Variants in C2orf76 observed in about 807,000 individuals in gnomAD.
C2orf76 encodes the protein chromosome 2 open reading frame 76.
Under a neutral mutation model 16.9 loss-of-function variants are expected in C2orf76, and 23 were observed. The ratio of observed to expected loss-of-function variants is 1.36; its 90% CI spans 0.98 to 1.93. The LOEUF is 1.93. Among genes scored for constraint, C2orf76 ranks in the 30% most tolerant of loss-of-function variants. C2orf76 has a pLI of 0.00. For synonymous variants in C2orf76, 48 were observed against 52.3 expected (o/e 0.92, Z 0.35); for missense variants, 152 against 152.6 (o/e 1.00, Z 0.02).
At chr2:119,364,834 G>A (rs931181333) in intron 1 of C2orf76, among the ~76,000 whole-genome samples, 13 of 152,046 alleles carry the variant, frequency 8.6e-5, no homozygotes, top group East Asian at 5.8e-4. Context: ...CTCCCACCAC[G>A]TTAGGAGGCC....
At chr2:119,347,167 A>G (rs1371143061) in intron 1 of C2orf76, among the ~76,000 whole-genome samples, 1 of 152,214 alleles carries the variant, frequency 6.6e-6, no homozygotes, top group Non-Finnish European at 1.5e-5. Context: ...TCGAGCCTCC[A>G]GATCTCATTC....
chr2:119,289,205 C>A, the C2orf76 span, among the ~76,000 whole-genome samples: 1 of 152,018 alleles, frequency 6.6e-6, no homozygotes, highest in Admixed American at 6.6e-5. Flanking sequence ...GGCCTTAAGG[C>A]TGCAGAATGT....
chr2:119,293,084 T>C, the C2orf76 span, among the ~76,000 whole-genome samples: 3 of 152,162 alleles, frequency 2.0e-5, no homozygotes, highest in South Asian at 2.1e-4. Context: ...AAATATAATT[T>C]TAAAGTCATT....
Position 119,360,134 on chromosome 2 carries a change from G to A in C2orf76, c.-13+6656C>T, listed in dbSNP as rs36056256. Among the ~76,000 whole-genome samples the A allele has an allele frequency of 3.8e-3, 576 of 152,330 alleles. 2 individuals carry two copies. Among genetic ancestry groups the A allele is most frequent in the Non-Finnish European group, 5.8e-3 (395 of 68,038 alleles). ...ACCAGCAAAAGGATCATGACTCGTT[G>A]AAGTCAGGTGATAGTTAGCATTTTT... On this transcript the variant is annotated intron_variant, in intron 1 of 5. Coordinates refer to ENST00000334816, the MANE Select transcript of C2orf76 (RefSeq NM_001322331.2).
chr2:119,288,460 A>G, the C2orf76 span, among the ~76,000 whole-genome samples: 2 of 152,042 alleles, frequency 1.3e-5, no homozygotes, highest in African/African-American at 4.8e-5. Flanking sequence ...GAGAGCAAGC[A>G]AGCAGATTTC....
At chr2:119,315,193 TAC>T (rs148908865) in intron 4 of C2orf76, among the ~76,000 whole-genome samples, 12 of 149,668 alleles carry the variant, frequency 8.0e-5, no homozygotes, top group Non-Finnish European at 1.3e-4. Context: ...CACACACACA[TAC>T]ACACACACAC....
intron 2 of C2orf76, among the ~76,000 whole-genome samples, chr2:119,330,941 T>C (rs1679657767): frequency 6.6e-6 from 1 of 152,218 alleles, no homozygotes; most frequent in South Asian, 2.1e-4. Context: ...TTCTCGAACA[T>C]TTTGCAATAT....
At chr2:119,307,630 G>A (rs1390393140) in intron 5 of C2orf76, among the ~76,000 whole-genome samples, 3 of 152,004 alleles carry the variant, frequency 2.0e-5, no homozygotes, top group African/African-American at 7.2e-5. Flanking sequence ...ATCACCCCGA[G>A]CCCAGGGTTG....
Position 119,302,384 on chromosome 2 carries a change from T to G in C2orf76, c.*88A>C. Reference sequence around the variant, plus strand: ...AAAGAGTATAGCCTGGGATTAATTTTTTAAGATTTGTTTGTCAATTTCAAA... The same window carrying G: ...AAAGAGTATAGCCTGGGATTAATTTGTTAAGATTTGTTTGTCAATTTCAAA... On this transcript the variant is annotated 3_prime_UTR_variant, in exon 6 of 6. Transcript: ENST00000334816. The G allele has an allele frequency of 1.7e-6, 1 of 585,948 alleles. No individual in the cohort carries two copies. Among genetic ancestry groups the G allele is most frequent in the African/African-American group, 1.9e-5 (1 of 51,374 alleles). 36.3% of individuals were successfully genotyped at this position (585,948 alleles called of 1,614,324 possible). A position where few individuals can be genotyped will look rare whatever the true frequency, so the allele number is the denominator to read the frequency against.
At chr2:119,337,147 A>T (rs1031523680) in intron 2 of C2orf76, among the ~76,000 whole-genome samples, 3 of 151,550 alleles carry the variant, frequency 2.0e-5, no homozygotes, top group African/African-American at 7.3e-5. Context: ...CCTCAACTTC[A>T]TGGGCTCAAG....
intron 2 of C2orf76, among the ~76,000 whole-genome samples, chr2:119,327,036 T>C (rs972447357): frequency 1.6e-4 from 25 of 151,890 alleles, no homozygotes; most frequent in African/African-American, 5.6e-4. Context: ...TCAAACAGGG[T>C]TGCCTGTTAC....
In C2orf76 at chr2:119,356,738, A is replaced by G. The variant is rs149148766; in HGVS notation, c.-13+10052T>C. 1.6e-4 allele frequency among the ~76,000 whole-genome samples: 25 copies of G among 152,126 alleles called. 2 individuals are homozygous for G. The East Asian group carries it at 4.8e-3, about 29-fold the overall frequency. ...TTTTGAAAAGATTTTTTAAACACTGATGAATCTTGAGCAAGACCAGCTAGG... is the reference window on the plus strand; with the variant it reads ...TTTTGAAAAGATTTTTTAAACACTGGTGAATCTTGAGCAAGACCAGCTAGG... On this transcript the variant is annotated intron_variant, in intron 1 of 5. Transcript: ENST00000334816.
At chr2:119,324,298 A>G (rs191023102) in intron 2 of C2orf76, among the ~76,000 whole-genome samples, 15 of 152,300 alleles carry the variant, frequency 9.8e-5, no homozygotes, top group Admixed American at 9.8e-4. Context: ...CTGCCTTTAC[A>G]TCTTAACTGA....
At chr2:119,300,878 G>A (rs186189281), downstream of C2orf76, among the ~76,000 whole-genome samples, 5 of 152,232 alleles carry the variant, frequency 3.3e-5, no homozygotes, top group Admixed American at 1.3e-4. Flanking sequence ...CTATAAGGTC[G>A]AAACATCATT....
Position 119,348,686 on chromosome 2 carries a change from T to A in C2orf76, c.-12-8715A>T, listed in dbSNP as rs549887410. Among the ~76,000 whole-genome samples the A allele has an allele frequency of 2.2e-5, 3 of 136,860 alleles. No homozygotes were observed. In the East Asian group the frequency reaches 6.4e-4, roughly 29 times the overall value. The allele number at this position is 136,860 out of a possible 152,430, so 89.8% of individuals were successfully genotyped here. The stretch of plus-strand genomic sequence containing the variant: ...GGAAGACAAGAGTGGAACTCTGTCT[T>A]AAAAAAAAAAAGAAAAGAAGTTAAA... On this transcript the variant is annotated intron_variant, in intron 1 of 5. Transcript: ENST00000334816.
chr2:119,335,020 T>A (rs1422101499), intron 2 of C2orf76, among the ~76,000 whole-genome samples: 1 of 152,208 alleles, frequency 6.6e-6, no homozygotes, highest in Non-Finnish European at 1.5e-5. Flanking sequence ...TTTCTCACTG[T>A]TGGTATGGGA....
intron 4 of C2orf76, among the ~76,000 whole-genome samples, chr2:119,312,776 C>A (rs932609791): frequency 1.3e-5 from 2 of 152,016 alleles, no homozygotes; most frequent in Non-Finnish European, 2.9e-5. Context: ...GCCTGTAATC[C>A]CAGCACTTTG....
intron 4 of C2orf76, among the ~76,000 whole-genome samples, chr2:119,314,611 A>G (rs1440410091): frequency 6.6e-6 from 1 of 152,190 alleles, no homozygotes; most frequent in African/African-American, 2.4e-5. Flanking sequence ...TCTAATTACT[A>G]TCGTTTTATA....
intron 1 of C2orf76, among the ~76,000 whole-genome samples, chr2:119,341,268 G>A (rs7595829): frequency 0.45 from 67,957 of 151,874 alleles, 15,450 homozygotes; most frequent in Non-Finnish European, 0.49. Context: ...CTTGGCCTCC[G>A]GAAGTGCTAG....
Sources: gnomAD v4.1 joint callset for allele counts (sites outside exome capture counted in the v4.1 genomes callset) on GRCh38, gnomAD v4.1.1 for gene constraint, MANE v1.5 for transcripts, NCBI Gene and HGNC (gene_info 2026-07-23, HGNC 2026-07-21) for gene names.